Variants in LHFPL2 observed in about 807,000 individuals in gnomAD.
LHFPL2 encodes the protein LHFPL tetraspan subfamily member 2.
A neutral mutation model predicts 17.5 loss-of-function variants in LHFPL2; 7 were observed. The ratio of observed to expected loss-of-function variants is 0.40; its 90% CI spans 0.23 to 0.75. LHFPL2 has a LOEUF of 0.75. Ranked by LOEUF, LHFPL2 falls within the 30% of genes least tolerant of loss-of-function variation. LHFPL2 has a pLI of 0.37. For missense variants in LHFPL2, 241 were observed against 294.8 expected, an observed-to-expected ratio of 0.82 and a Z score of 1.34; for synonymous variants, 134 against 116.2, an observed-to-expected ratio of 1.15 and a Z score of -0.99.
intron 4 of LHFPL2, 111 bp from the exon 5 acceptor site, chr5:78,489,264 G>A (rs2112282528): frequency 3.4e-6 from 4 of 1,175,384 alleles, no homozygotes; most frequent in Non-Finnish European, 3.6e-6. Context: ...CATCTATTCT[G>A]CAATAGAAAG....
intron 4 of LHFPL2, chr5:78,494,443 C>T: frequency 1.0e-6 from 1 of 985,326 alleles, no homozygotes. Context: ...ACATCCTCAT[C>T]CCCGTGTTCT....
intron 4 of LHFPL2, among the ~76,000 whole-genome samples, chr5:78,491,594 A>G (rs1252757463): frequency 6.6e-6 from 1 of 152,224 alleles, no homozygotes; most frequent in Non-Finnish European, 1.5e-5. Context: ...GCAGAGACTC[A>G]CCAAATTAAG....
At chr5:78,584,997 T>A (rs972198603) in intron 2 of LHFPL2, among the ~76,000 whole-genome samples, 1 of 67,326 alleles carries the variant, frequency 1.5e-5, no homozygotes, top group Non-Finnish European at 3.7e-5. Context: ...TGCGCTGTGT[T>A]TTTTTTTTTT....
chr5:78,632,257 A>C lies in LHFPL2; in HGVS notation c.-245+7T>G, dbSNP rs1481879068. 2 of 152,260 alleles carry C rather than the reference A, an allele frequency of 1.3e-5. No individual in the cohort carries two copies. The highest frequency in any genetic ancestry group is 2.9e-5 in the Non-Finnish European group (2 of 68,044). 9.4% of individuals were successfully genotyped at this position (152,260 alleles called of 1,614,324 possible). A position where few individuals can be genotyped will look rare whatever the true frequency, so the allele number is the denominator to read the frequency against. ...CATTGTCATATCTAGGTATAAGGAC[A>C]ACCCACCTGGCTGTGAGCAGTCCCA... is the stretch of plus-strand genomic sequence containing the variant. On this transcript the variant is annotated splice_region_variant and intron_variant, in intron 2 of 4. Transcript: ENST00000380345.
At chr5:78,601,903 A>G (rs1400693584) in intron 2 of LHFPL2, among the ~76,000 whole-genome samples, 1 of 152,192 alleles carries the variant, frequency 6.6e-6, no homozygotes, top group Non-Finnish European at 1.5e-5. Flanking sequence ...CTCCACAATC[A>G]TAAATACTGC....
chr5:78,566,333 T>C (rs1978629), intron 2 of LHFPL2, among the ~76,000 whole-genome samples: 55,429 of 152,180 alleles, frequency 0.36, 11,129 homozygotes, highest in Middle Eastern at 0.47. Flanking sequence ...AAGGCCACTA[T>C]CTAAAAACGT....
At position 78,488,462 on chromosome 5, in the gene LHFPL2, C is replaced by T. The variant is rs953485678; in HGVS notation, c.*435G>A. 3.3e-5 allele frequency: 7 copies of T among 210,178 alleles called. No homozygotes were observed. The highest frequency in any genetic ancestry group is 1.6e-4 in the African/African-American group (7 of 43,640). 13.0% of individuals were successfully genotyped at this position (210,178 alleles called of 1,614,324 possible). ...GTTCGTTGGAGACAACTTGAAAGAA[C>T]AGAGGAAAACAAGAACTCCAACCCA... On this transcript the variant is annotated 3_prime_UTR_variant, in exon 5 of 5. Transcript: ENST00000380345.
At chr5:78,588,642 A>G (rs894713514) in intron 2 of LHFPL2, among the ~76,000 whole-genome samples, 4 of 152,200 alleles carry the variant, frequency 2.6e-5, no homozygotes, top group African/African-American at 9.6e-5. Flanking sequence ...TATCCTCTTC[A>G]AAAGCTCCAT....
intron 2 of LHFPL2, among the ~76,000 whole-genome samples, chr5:78,583,721 T>C (rs1433907758): frequency 1.3e-5 from 2 of 151,614 alleles, no homozygotes; most frequent in South Asian, 2.1e-4. Flanking sequence ...TAACATTTTT[T>C]CCTTCATTTC....
intron 2 of LHFPL2, among the ~76,000 whole-genome samples, chr5:78,582,159 A>G (rs74876585): frequency 0.4 from 60,800 of 151,810 alleles, 12,446 homozygotes; most frequent in Middle Eastern, 0.47. Context: ...TTTTTATTGC[A>G]TCTATTTGAT....
intron 2 of LHFPL2, among the ~76,000 whole-genome samples, chr5:78,579,964 A>G (rs543828826): frequency 6.6e-6 from 1 of 152,330 alleles, no homozygotes; most frequent in South Asian, 2.1e-4. Context: ...CAGTCCCACC[A>G]ACAGTGTAAA....
intron 4 of LHFPL2, among the ~76,000 whole-genome samples, chr5:78,494,765 G>C (rs142128942): frequency 6.6e-6 from 1 of 152,228 alleles, no homozygotes; most frequent in African/African-American, 2.4e-5. Context: ...ATCTACCCGT[G>C]CAAGAATCTT....
intron 2 of LHFPL2, among the ~76,000 whole-genome samples, chr5:78,610,596 A>G (rs1744388506): frequency 6.6e-6 from 1 of 152,318 alleles, no homozygotes; most frequent in South Asian, 2.1e-4. Context: ...ACACCAGCAC[A>G]TACGATATGA....
chr5:78,640,974 T>C (rs1345297001), intron 1 of LHFPL2, among the ~76,000 whole-genome samples: 1 of 152,122 alleles, frequency 6.6e-6, no homozygotes, highest in Non-Finnish European at 1.5e-5. Context: ...AAAAAGAAGG[T>C]AGATAAACCT....
intron 2 of LHFPL2, among the ~76,000 whole-genome samples, chr5:78,568,724 A>C (rs1235774517): frequency 2.0e-5 from 3 of 152,156 alleles, no homozygotes; most frequent in African/African-American, 7.2e-5. Context: ...AGGATCACAG[A>C]GGCCACAGAG....
Position 78,631,935 on chromosome 5 carries a change from C to CAAA in LHFPL2, c.-245+326_-245+328dup, listed in dbSNP as rs35424661. ...TGGCCTACAGAGCAAGACTCCATCT[C>CAAA]AAAAAAAAAAAAAAAGAAAAAAGAA... On this transcript the variant is annotated intron_variant, in intron 2 of 4. Coordinates refer to ENST00000380345, the MANE Select transcript of LHFPL2 (RefSeq NM_005779.3). 4.8e-5 allele frequency among the ~76,000 whole-genome samples: 5 copies of CAAA among 104,554 alleles called. 1 individual carries two copies. The highest frequency in any genetic ancestry group is 1.1e-4 in the Admixed American group (1 of 9,336). The allele number at this position is 104,554 out of a possible 152,430, so 68.6% of individuals were successfully genotyped here.
intron 2 of LHFPL2, among the ~76,000 whole-genome samples, chr5:78,580,243 T>C (rs1379217921): frequency 1.3e-5 from 2 of 152,230 alleles, no homozygotes; most frequent in East Asian, 3.9e-4. Context: ...TTTTGGATAT[T>C]AGCCCTTTGT....
intron 3 of LHFPL2, among the ~76,000 whole-genome samples, chr5:78,539,554 G>A (rs1756045994): frequency 6.6e-6 from 1 of 152,140 alleles, no homozygotes; most frequent in African/African-American, 2.4e-5. Flanking sequence ...TACACATGGT[G>A]CTCAACAGGT....
chr5:78,614,679 C>G (rs1463924981), intron 2 of LHFPL2, among the ~76,000 whole-genome samples: 2 of 151,998 alleles, frequency 1.3e-5, no homozygotes, highest in African/African-American at 2.4e-5. Flanking sequence ...AGCATCAATA[C>G]AGCTCATGTT....
Sources: gnomAD v4.1 joint callset for allele counts (sites outside exome capture counted in the v4.1 genomes callset) on GRCh38, gnomAD v4.1.1 for gene constraint, MANE v1.5 for transcripts, NCBI Gene and HGNC (gene_info 2026-07-23, HGNC 2026-07-21) for gene names.